PITPNM3: variants seen among roughly 807,000 people sequenced by gnomAD.
PITPNM3 encodes the protein PITPNM family member 3.
In PITPNM3, 26 loss-of-function variants were observed where a neutral mutation model predicts 102.0. The ratio of observed to expected loss-of-function variants is 0.25; its 90% CI spans 0.19 to 0.35. PITPNM3 has a LOEUF of 0.35. Among genes scored for constraint, PITPNM3 ranks in the 10% least tolerant of loss-of-function variants. The pLI, the probability that PITPNM3 is intolerant of heterozygous loss-of-function variation, is 1.00. For missense variants in PITPNM3, 1,083 were observed against 1,346.1 expected, an observed-to-expected ratio of 0.80 and a Z score of 3.06; for synonymous variants, 578 against 558.6, an observed-to-expected ratio of 1.03 and a Z score of -0.49.
Position 6,453,133 on chromosome 17 carries a change from C to CTT in PITPNM3, c.*2204_*2205insAA, listed in dbSNP as rs1172979565. 7.8e-5 allele frequency: 11 copies of CTT among 141,570 alleles called. No homozygotes were observed. The highest frequency in any genetic ancestry group is 3.5e-4 in the African/African-American group (11 of 31,744). 8.8% of individuals were successfully genotyped at this position (141,570 alleles called of 1,614,324 possible). ...TCTCTCTTTCTCTCTCCCTCTCTCT[C>CTT]TCTCTCTCTCCCTCTCTCTCTTTCT... On this transcript the variant is annotated 3_prime_UTR_variant, in exon 20 of 20. Coordinates refer to ENST00000262483, the MANE Select transcript of PITPNM3 (RefSeq NM_031220.4).
intron 1 of PITPNM3, among the ~76,000 whole-genome samples, chr17:6,550,619 G>T (rs542328099): frequency 6.6e-6 from 1 of 152,330 alleles, no homozygotes; most frequent in South Asian, 2.1e-4. Flanking sequence ...GGTAGAACAG[G>T]AGAACCAGGC....
chr17:6,489,096 C>T (rs1407225863), intron 4 of PITPNM3, among the ~76,000 whole-genome samples: 5 of 152,134 alleles, frequency 3.3e-5, no homozygotes, highest in East Asian at 1.9e-4. Context: ...AGGTACAAAT[C>T]GTGATCATCC....
At chr17:6,500,410 C>G (rs953155269) in intron 4 of PITPNM3, among the ~76,000 whole-genome samples, 2 of 152,184 alleles carry the variant, frequency 1.3e-5, no homozygotes, top group Non-Finnish European at 2.9e-5. Context: ...AAACACATTA[C>G]CATCGATCGT....
intron 4 of PITPNM3, among the ~76,000 whole-genome samples, chr17:6,498,772 G>A (rs916809039): frequency 5.9e-5 from 9 of 152,066 alleles, no homozygotes; most frequent in African/African-American, 2.2e-4. Context: ...CATGGAGGAT[G>A]GTGCCATTCA....
intron 3 of PITPNM3, among the ~76,000 whole-genome samples, chr17:6,507,370 G>C (rs1470187609): frequency 6.6e-6 from 1 of 152,182 alleles, no homozygotes; most frequent in African/African-American, 2.4e-5. Flanking sequence ...GACCACCTGA[G>C]GTCAGGAGTT....
intron 19 of PITPNM3, among the ~76,000 whole-genome samples, chr17:6,456,985 A>G (rs1353886973): frequency 6.6e-6 from 1 of 151,858 alleles, no homozygotes; most frequent in African/African-American, 2.4e-5. Flanking sequence ...AGCCTGAGGG[A>G]GCTTCCTGAA....
Position 6,457,492 on chromosome 17 carries a change from G to A in PITPNM3, c.2619+102C>T. ...TGAATAAATGAATGAGCAAATGGGG[G>A]AATGAACAAATGAATGAATGAATGA... On this transcript the variant is annotated intron_variant, in intron 19 of 19. Transcript: ENST00000262483. The surrounding 1 kb of genome is among the most constrained non-coding windows in gnomAD (Gnocchi z 4.7). The A allele has an allele frequency of 1.7e-5, 26 of 1,555,044 alleles. No individual in the cohort carries two copies. Among genetic ancestry groups the A allele is most frequent in the East Asian group, 2.3e-5 (1 of 43,582 alleles).
At position 6,459,413 on chromosome 17, in the gene PITPNM3, T is replaced by C. The variant is rs10852882; in HGVS notation, c.2491-1691A>G. ...CTGGTTCCTCAGCTGCTCCTTGTGC[T>C]GCTCTCAGTGGCCCAGCACAGCCTC... is the stretch of plus-strand genomic sequence containing the variant. On this transcript the variant is annotated intron_variant, in intron 18 of 19. Transcript: ENST00000262483. This position sits in a 1 kb window ranked among gnomAD's most constrained non-coding sequence, Gnocchi z 5.0. 0.38 allele frequency among the ~76,000 whole-genome samples: 57,266 copies of C among 151,692 alleles called. 11,326 individuals carry two copies. The highest frequency in any genetic ancestry group is 0.63 in the East Asian group (3,246 of 5,130).
intron 14 of PITPNM3, among the ~76,000 whole-genome samples, chr17:6,466,527 T>C (rs1904778810): frequency 6.6e-6 from 1 of 151,932 alleles, no homozygotes; most frequent in Non-Finnish European, 1.5e-5. Context: ...AGAAATGCAA[T>C]CAAAACCACA....
At chr17:6,513,679 T>C (rs1907996035) in intron 3 of PITPNM3, among the ~76,000 whole-genome samples, 1 of 152,230 alleles carries the variant, frequency 6.6e-6, no homozygotes, top group South Asian at 2.1e-4. Context: ...CTCACGTTCA[T>C]GGATTGGAAC....
chr17:6,500,286 T>C (rs1391887960), intron 4 of PITPNM3, among the ~76,000 whole-genome samples: 2 of 152,224 alleles, frequency 1.3e-5, no homozygotes, highest in Non-Finnish European at 2.9e-5. Context: ...AAAGTATACT[T>C]GCATGCAAAT....
chr17:6,491,038 G>C (rs1299582893), intron 4 of PITPNM3, among the ~76,000 whole-genome samples: 1 of 71,816 alleles, frequency 1.4e-5, no homozygotes, highest in East Asian at 5.2e-4. Flanking sequence ...GGAGAGGAAA[G>C]GGGAGGGGAG....
chr17:6,463,878 G>A lies in PITPNM3; in HGVS notation c.2160C>T (p.Gly720=), dbSNP rs181321395. The change falls in exon 17 of 20, where the codon GGC becomes GGT. Residue 720 remains glycine, a synonymous_variant. Coordinates refer to ENST00000262483, the MANE Select transcript of PITPNM3 (RefSeq NM_031220.4). ...GVYPVKMVVR[G]DQTCAMSYLT... ...GGTAGCTCATGGCACAGGTCTGGTC[G>A]CCCCTGAAAGAAACCTGCCTGTGGT... is the stretch of plus-strand genomic sequence containing the variant. The A allele has an allele frequency of 3.3e-4, 525 of 1,613,854 alleles. No homozygotes were observed. The Admixed American group carries it at 7.0e-3, about 22-fold the overall frequency.
intron 3 of PITPNM3, among the ~76,000 whole-genome samples, chr17:6,505,133 G>A (rs1350231408): frequency 2.7e-5 from 4 of 150,908 alleles, no homozygotes; most frequent in Admixed American, 6.6e-5. Context: ...CCGAGATCAC[G>A]CCACTGCACT....
At chr17:6,535,140 C>T (rs1242676394) in intron 2 of PITPNM3, among the ~76,000 whole-genome samples, 1 of 152,070 alleles carries the variant, frequency 6.6e-6, no homozygotes, top group Non-Finnish European at 1.5e-5. Flanking sequence ...AGAGTTGGAA[C>T]TGTTGAGGCC....
chr17:6,474,600 G>C lies in PITPNM3; in HGVS notation c.1090C>G (p.His364Asp). The change falls in exon 10 of 20, where the codon CAC (histidine) becomes GAC (aspartate). Residue 364 changes from histidine to aspartate, a missense_variant. Around this residue, in one of 5 missense-constraint regions of PITPNM3, gnomAD observed 172 missense variants for 175.6 expected, o/e 0.98. Coordinates refer to ENST00000262483, the MANE Select transcript of PITPNM3 (RefSeq NM_031220.4). ...GACTCATCCTTTAGCACGCTGGAGTGGATGCTGCGGAGGGAGGAGGACGCA... is the reference window on the plus strand; with the variant it reads ...GACTCATCCTTTAGCACGCTGGAGTCGATGCTGCGGAGGGAGGAGGACGCA... The part of the protein sequence containing the change: ...TQHHAFLSSI[H>D]SSVLKDESET... 6.4e-7 allele frequency: 1 copy of C among 1,561,968 alleles called. No individual in the cohort carries two copies. The highest frequency in any genetic ancestry group is 8.7e-7 in the Non-Finnish European group (1 of 1,153,810).
intron 4 of PITPNM3, among the ~76,000 whole-genome samples, chr17:6,493,528 G>A (rs1361384247): frequency 1.3e-5 from 2 of 152,230 alleles, no homozygotes; most frequent in African/African-American, 4.8e-5. Flanking sequence ...CTGCAAGCAG[G>A]CTGTTCTCCT....
intron 3 of PITPNM3, among the ~76,000 whole-genome samples, chr17:6,509,159 C>A (rs1480698436): frequency 2.0e-5 from 3 of 152,222 alleles, no homozygotes; most frequent in Non-Finnish European, 2.9e-5. Flanking sequence ...TGAACTCACA[C>A]AGCCCTGGAA....
rs1164700323 is a variant in PITPNM3, at chr17:6,472,372, G to A, written c.1429+285C>T. ...TCATAAAAAAAATAGATTGGAGCACGGATCCCTGGACCCGCCATCAGCTCT... is the reference window on the plus strand; with the variant it reads ...TCATAAAAAAAATAGATTGGAGCACAGATCCCTGGACCCGCCATCAGCTCT... On this transcript the variant is annotated intron_variant, in intron 11 of 19. Transcript: ENST00000262483. The surrounding 1 kb of genome is among the most constrained non-coding windows in gnomAD (Gnocchi z 4.1). Among the ~76,000 whole-genome samples the A allele has an allele frequency of 1.3e-5, 2 of 152,120 alleles. No individual in the cohort carries two copies. The highest frequency in any genetic ancestry group is 2.9e-5 in the Non-Finnish European group (2 of 68,008).
Sources: gnomAD v4.1 joint callset for allele counts (sites outside exome capture counted in the v4.1 genomes callset) on GRCh38, gnomAD v4.1.1 for gene constraint, gnomAD v4.1.1 regional missense constraint, Gnocchi (gnomAD v3.1) non-coding constraint, MANE v1.5 for transcripts, NCBI Gene and HGNC (gene_info 2026-07-23, HGNC 2026-07-21) for gene names.